Variants in CDKAL1 observed in about 807,000 individuals in gnomAD.
CDKAL1 encodes threonylcarbamoyladenosine tRNA methylthiotransferase.
Under a neutral mutation model 68.2 loss-of-function variants are expected in CDKAL1, and 32 were observed. The observed-to-expected ratio is 0.47, with a 90% CI of 0.35 to 0.63. The LOEUF (loss-of-function observed/expected upper bound fraction) is 0.63. Among genes scored for constraint, CDKAL1 ranks in the 30% least tolerant of loss-of-function variants. CDKAL1 has a pLI of 0.00. For synonymous variants in CDKAL1, 234 were observed against 244.3 expected, an observed-to-expected ratio of 0.96 and a Z score of 0.39; for missense variants, 606 against 696.7, an observed-to-expected ratio of 0.87 and a Z score of 1.47.
At chr6:20,882,550 C>A (rs973457487) in intron 9 of CDKAL1, among the ~76,000 whole-genome samples, 2 of 152,150 alleles carry the variant, frequency 1.3e-5, no homozygotes, top group Admixed American at 1.3e-4. Flanking sequence ...TTTTCTTCCC[C>A]TACAAGCTCT....
chr6:21,175,339 A>G (rs911647546), intron 13 of CDKAL1, among the ~76,000 whole-genome samples: 7 of 152,182 alleles, frequency 4.6e-5, no homozygotes, highest in Admixed American at 2.0e-4. Flanking sequence ...TATAAAATCT[A>G]TTTACTAAAT....
intron 6 of CDKAL1, among the ~76,000 whole-genome samples, chr6:20,754,658 T>G (rs1278507154): frequency 1.3e-5 from 2 of 152,232 alleles, no homozygotes; most frequent in South Asian, 2.1e-4. Context: ...TTTTTATTAT[T>G]GAGTTGTAGA....
chr6:20,942,594 C>T (rs1764034763), intron 9 of CDKAL1, among the ~76,000 whole-genome samples: 1 of 149,834 alleles, frequency 6.7e-6, no homozygotes, highest in South Asian at 2.1e-4. Context: ...CTTGAGCTCC[C>T]AACCTCAGGT....
intron 15 of CDKAL1, among the ~76,000 whole-genome samples, chr6:21,219,685 G>A (rs7738425): frequency 0.071 from 10,746 of 152,184 alleles, 804 homozygotes; most frequent in African/African-American, 0.19. Context: ...TATTTCCAGT[G>A]TCACTGAAAA....
chr6:20,687,124 T>C (rs905687474), intron 5 of CDKAL1, among the ~76,000 whole-genome samples: 3 of 152,240 alleles, frequency 2.0e-5, no homozygotes, highest in Non-Finnish European at 4.4e-5. Context: ...ATGTTCATGA[T>C]AAATATTGGT....
At chr6:20,734,239 T>G (rs964515832) in intron 5 of CDKAL1, among the ~76,000 whole-genome samples, 1 of 152,032 alleles carries the variant, frequency 6.6e-6, no homozygotes, top group African/African-American at 2.4e-5. Flanking sequence ...AAAAGCTTCT[T>G]TATGTTTTCT....
intron 12 of CDKAL1, among the ~76,000 whole-genome samples, chr6:21,077,097 AT>A (rs1331456824): frequency 6.6e-6 from 1 of 151,738 alleles, no homozygotes; most frequent in Non-Finnish European, 1.5e-5. Flanking sequence ...ATAATCTTTG[AT>A]TTTTCTATTA....
At chr6:20,911,558 C>G (rs1053832346) in intron 9 of CDKAL1, among the ~76,000 whole-genome samples, 2 of 152,192 alleles carry the variant, frequency 1.3e-5, no homozygotes, top group African/African-American at 4.8e-5. Flanking sequence ...GAATTTGCTA[C>G]AAGTAAGGTT....
intron 11 of CDKAL1, among the ~76,000 whole-genome samples, chr6:21,026,904 GC>G (rs1274110330): frequency 6.6e-6 from 1 of 152,124 alleles, no homozygotes; most frequent in African/African-American, 2.4e-5. Context: ...CTCTCAATGA[GC>G]CTCAAACTTC....
intron 5 of CDKAL1, among the ~76,000 whole-genome samples, chr6:20,736,881 C>G (rs1773220295): frequency 6.6e-6 from 1 of 152,014 alleles, no homozygotes; most frequent in African/African-American, 2.4e-5. Flanking sequence ...CTATTTAGGG[C>G]AAACAGAAGG....
At chr6:20,621,811 C>T in intron 4 of CDKAL1, among the ~76,000 whole-genome samples, 1 of 149,176 alleles carries the variant, frequency 6.7e-6, no homozygotes, top group African/African-American at 2.5e-5. Flanking sequence ...CTGCAAGATG[C>T]TCTGGGCTCA....
chr6:21,194,324 A>C (rs957076087), intron 13 of CDKAL1, among the ~76,000 whole-genome samples: 2 of 152,180 alleles, frequency 1.3e-5, no homozygotes, highest in Admixed American at 1.3e-4. Flanking sequence ...CAGTGATGTA[A>C]CCTTTTCCTG....
intron 8 of CDKAL1, among the ~76,000 whole-genome samples, chr6:20,841,411 T>C (rs1436478910): frequency 6.6e-6 from 1 of 152,208 alleles, no homozygotes; most frequent in East Asian, 1.9e-4. Context: ...ATTTCAGAAC[T>C]TGTAATATCT....
chr6:21,098,422 T>C (rs1773420799), intron 12 of CDKAL1, among the ~76,000 whole-genome samples: 1 of 151,914 alleles, frequency 6.6e-6, no homozygotes, highest in South Asian at 2.1e-4. Context: ...TGAAGTGTTG[T>C]GTCATGAATT....
chr6:20,798,750 A>G (rs1228895489), intron 8 of CDKAL1, among the ~76,000 whole-genome samples: 1 of 111,294 alleles, frequency 9.0e-6, no homozygotes, highest in Non-Finnish European at 1.7e-5. Flanking sequence ...ACATCACACA[A>G]CGGGGCCTGT....
chr6:21,163,168 C>G (rs1171035425), intron 13 of CDKAL1, among the ~76,000 whole-genome samples: 1 of 152,200 alleles, frequency 6.6e-6, no homozygotes, highest in Admixed American at 6.5e-5. Context: ...TTTGCCTCCT[C>G]CTCACTGCCA....
At chr6:20,727,002 A>G (rs1021249263) in intron 5 of CDKAL1, among the ~76,000 whole-genome samples, 4 of 152,196 alleles carry the variant, frequency 2.6e-5, no homozygotes, top group Non-Finnish European at 5.9e-5. Context: ...TCGGAAAAGA[A>G]TGTTTATAAG....
At chr6:20,613,249 C>CTTTTTTTTTTTTTTTTTT (rs71559677) in intron 4 of CDKAL1, among the ~76,000 whole-genome samples, 2 of 77,866 alleles carry the variant, frequency 2.6e-5, no homozygotes, top group Non-Finnish European at 4.9e-5. Context: ...AAATTTCTTT[C>CTTTTTTTTTTTTTTTTTT]TTTTTTTTTT....
chr6:20,594,870 G>T (rs944235798), intron 4 of CDKAL1, among the ~76,000 whole-genome samples: 11 of 151,862 alleles, frequency 7.2e-5, no homozygotes, highest in African/African-American at 2.7e-4. Context: ...AGTAAGGCAG[G>T]CCTGGAATCT....
Sources: gnomAD v4.1 joint callset for allele counts (sites outside exome capture counted in the v4.1 genomes callset) on GRCh38, gnomAD v4.1.1 for gene constraint, MANE v1.5 for transcripts, NCBI Gene and HGNC (gene_info 2026-07-23, HGNC 2026-07-21) for gene names.